The following NUDT9 variants were observed in gnomAD, a reference collection of about 807,000 sequenced individuals.
NUDT9 encodes nudix hydrolase 9, also known as ADP-ribose pyrophosphatase.
In NUDT9, 31 loss-of-function variants were observed where a neutral mutation model predicts 41.0. The observed-to-expected ratio is 0.76, with a 90% CI of 0.57 to 1.02. The LOEUF is 1.02. NUDT9 is among the 50% of genes least tolerant of loss of function. NUDT9 has a pLI of 0.00. For synonymous variants in NUDT9, 146 were observed against 147.6 expected, an observed-to-expected ratio of 0.99 and a Z score of 0.08; for missense variants, 380 against 431.4, an observed-to-expected ratio of 0.88 and a Z score of 1.06.
chr4:87,442,451 C>T (rs963587564), intron 4 of NUDT9, among the ~76,000 whole-genome samples: 1 of 152,156 alleles, frequency 6.6e-6, no homozygotes, highest in Non-Finnish European at 1.5e-5. Context: ...ACATTACTGT[C>T]CCCTATTGTA....
At chr4:87,453,489 A>T (rs1374203362) in intron 6 of NUDT9, among the ~76,000 whole-genome samples, 1 of 150,674 alleles carries the variant, frequency 6.6e-6, no homozygotes, top group Non-Finnish European at 1.5e-5. Flanking sequence ...GAGTGCAGTG[A>T]TGCGATCTCG....
intron 2 of NUDT9, 22 bp from the exon 3 acceptor site, chr4:87,438,255 T>A: frequency 7.8e-7 from 1 of 1,280,560 alleles, no homozygotes; most frequent in Non-Finnish European, 1.1e-6. Context: ...TTTCTTATTT[T>A]ACATTGGTAT....
rs143253576 is a variant in NUDT9, at chr4:87,422,845, G to C, written c.-61G>C. On this transcript the variant is annotated 5_prime_UTR_variant, in exon 1 of 8. Coordinates refer to ENST00000302174, the MANE Select transcript of NUDT9 (RefSeq NM_024047.5). ...GCCGGGACTCGGAGCTGTGGGGTGT[G>C]GGGAGGCGGAGGCACCAACTAAGAG... The C allele has an allele frequency of 9.1e-6, 12 of 1,324,568 alleles. No homozygotes were observed. Among genetic ancestry groups the C allele is most frequent in the Admixed American group, 1.8e-5 (1 of 56,536 alleles). The allele number at this position is 1,324,568 out of a possible 1,614,324, so 82.1% of individuals were successfully genotyped here. A position where few individuals can be genotyped will look rare whatever the true frequency, so the allele number is the denominator to read the frequency against.
At chr4:87,447,331 C>A (rs962941219) in intron 4 of NUDT9, among the ~76,000 whole-genome samples, 1 of 152,132 alleles carries the variant, frequency 6.6e-6, no homozygotes, top group Admixed American at 6.5e-5. Flanking sequence ...TGAGCTCTTT[C>A]ATGGGAGGAA....
chr4:87,438,733 T>G (rs116077134), intron 3 of NUDT9, among the ~76,000 whole-genome samples: 1 of 152,324 alleles, frequency 6.6e-6, no homozygotes, highest in African/African-American at 2.4e-5. Flanking sequence ...TATCCAAACA[T>G]GTAAGAGTAA....
rs376368372 is a variant in NUDT9, at chr4:87,452,809, G to GTTT, written c.789+1092_789+1094dup. On this transcript the variant is annotated intron_variant, in intron 6 of 7. Coordinates refer to ENST00000302174, the MANE Select transcript of NUDT9 (RefSeq NM_024047.5). ...ACACTAATAATAAGAAAATAACAGA[G>GTTT]TTTTTTTTTTTTTTTTTTTTGAGAT... Among the ~76,000 whole-genome samples the GTTT allele has an allele frequency of 6.1e-4, 68 of 110,862 alleles. 3 individuals carry two copies. The highest frequency in any genetic ancestry group is 8.6e-4 in the Admixed American group (8 of 9,294). 72.7% of individuals were successfully genotyped at this position (110,862 alleles called of 152,430 possible).
intron 1 of NUDT9, 27 bp downstream of exon 1, chr4:87,423,039 C>CT (rs764934540): frequency 6.3e-7 from 1 of 1,583,044 alleles, no homozygotes; most frequent in Non-Finnish European, 8.7e-7. Context: ...CTACCGGCTC[C>CT]TTTGCCCTAG....
intron 5 of NUDT9, among the ~76,000 whole-genome samples, chr4:87,450,042 T>G (rs1009476996): frequency 6.6e-6 from 1 of 152,064 alleles, no homozygotes; most frequent in African/African-American, 2.4e-5. Flanking sequence ...TTTTGTAATT[T>G]TAGTAGAGAC....
intron 1 of NUDT9, among the ~76,000 whole-genome samples, chr4:87,426,960 C>CAA (rs764275877): frequency 7.5e-6 from 1 of 132,570 alleles, no homozygotes; most frequent in African/African-American, 2.8e-5. Context: ...AAAACTAAAC[C>CAA]AAAAAAAAAA....
chr4:87,430,852 A>T (rs765188263), intron 1 of NUDT9, among the ~76,000 whole-genome samples: 2 of 152,066 alleles, frequency 1.3e-5, no homozygotes, highest in Non-Finnish European at 2.9e-5. Context: ...CAGACATGTG[A>T]TTACCAAGTA....
At chr4:87,437,467 A>T in intron 2 of NUDT9, among the ~76,000 whole-genome samples, 1 of 151,624 alleles carries the variant, frequency 6.6e-6, no homozygotes, top group East Asian at 1.9e-4. Flanking sequence ...CAGCCTCCCG[A>T]GTAGCTGGGG....
At chr4:87,449,092 A>C (rs1158110761) in intron 4 of NUDT9, 50 bp from the exon 5 acceptor site, 4 of 1,053,236 alleles carry the variant, frequency 3.8e-6, no homozygotes. Flanking sequence ...TTGAGATAGA[A>C]CCTTAGTTTT....
chr4:87,438,380 C>A lies in NUDT9; in HGVS notation c.443+8C>A. The A allele has an allele frequency of 1.3e-6, 2 of 1,508,652 alleles. No homozygotes were observed. Among genetic ancestry groups the A allele is most frequent in the Non-Finnish European group, 1.8e-6 (2 of 1,085,222 alleles). The allele number at this position is 1,508,652 out of a possible 1,614,324, so 93.5% of individuals were successfully genotyped here. A position where few individuals can be genotyped will look rare whatever the true frequency, so the allele number is the denominator to read the frequency against. ...TGAAAATGGAAGACCGAGGTAGGTA[C>A]TGGGAGCAGAGCATCTTACAATAAT... On this transcript the variant is annotated splice_region_variant and intron_variant, in intron 3 of 7. Coordinates refer to ENST00000302174, the MANE Select transcript of NUDT9 (RefSeq NM_024047.5).
At chr4:87,441,949 G>C in intron 4 of NUDT9, 34 bp downstream of exon 4, 1 of 1,480,904 alleles carries the variant, frequency 6.8e-7, no homozygotes, top group Non-Finnish European at 9.2e-7. Flanking sequence ...CAGTAGCAAA[G>C]AGCTAAGTGA....
At chr4:87,442,064 G>A (rs1301082546) in intron 4 of NUDT9, 149 bp downstream of exon 4, 1 of 585,244 alleles carries the variant, frequency 1.7e-6, no homozygotes. Flanking sequence ...GTCATGCATT[G>A]CTTAACAATG....
intron 1 of NUDT9, among the ~76,000 whole-genome samples, chr4:87,429,522 C>A (rs1348634643): frequency 2.6e-5 from 4 of 151,970 alleles, no homozygotes; most frequent in Admixed American, 6.6e-5. Flanking sequence ...ATCAGGCATA[C>A]CTCACTTTAT....
Position 87,445,996 on chromosome 4 carries a change from TC to T in NUDT9, c.531-3145del, listed in dbSNP as rs1402611671. Among the ~76,000 whole-genome samples the T allele has an allele frequency of 1.6e-4, 24 of 151,230 alleles. 1 individual carries two copies. The highest frequency in any genetic ancestry group is 5.6e-4 in the African/African-American group (23 of 41,206). ...CCTGGCTGGTCTTGAACTCCTGATC[TC>T]AAGCAGTCCTCCCACCTCGGCTTCC... On this transcript the variant is annotated intron_variant, in intron 4 of 7. Transcript: ENST00000302174.
In NUDT9 at chr4:87,436,159, AATTTT is replaced by A. The variant is rs1373685747; in HGVS notation, c.347+950_347+954del. Among the ~76,000 whole-genome samples the A allele has an allele frequency of 2.6e-5, 4 of 151,976 alleles. No homozygotes were observed. The East Asian group carries it at 7.7e-4, about 29-fold the overall frequency. ...TGGGCATGTTCCACCATACTTGGCT[AATTTT>A]ATTTTATTTTTAAGTAGAGATGGGG... On this transcript the variant is annotated intron_variant, in intron 2 of 7. Transcript: ENST00000302174.
At chr4:87,456,583 T>A (rs1471729983) in intron 7 of NUDT9, among the ~76,000 whole-genome samples, 1 of 152,202 alleles carries the variant, frequency 6.6e-6, no homozygotes, top group African/African-American at 2.4e-5. Context: ...CATACTGGTA[T>A]GGCTGACCCC....
Sources: allele counts gnomAD v4.1 joint callset (sites outside exome capture counted in the v4.1 genomes callset), GRCh38; gene constraint gnomAD v4.1.1; transcripts MANE v1.5; gene names NCBI Gene and HGNC (gene_info 2026-07-23, HGNC 2026-07-21).